The following RAD51B variants were observed in gnomAD, a reference collection of about 807,000 sequenced individuals.
The protein encoded by RAD51B is RAD51 paralog B.
Under a neutral mutation model 42.2 loss-of-function variants are expected in RAD51B, and 38 were observed. That is an observed-to-expected ratio of 0.90 (90% CI 0.70 to 1.18). The LOEUF is 1.18. RAD51B is among the 50% of genes most tolerant of loss of function. The pLI is 0.00. For missense variants in RAD51B, 373 were observed against 400.7 expected (o/e 0.93, Z 0.59); for synonymous variants, 154 against 145.2 (o/e 1.06, Z -0.43).
intron 7 of RAD51B, among the ~76,000 whole-genome samples, chr14:68,223,511 G>A (rs2079972031): frequency 6.6e-6 from 1 of 152,180 alleles, no homozygotes; most frequent in Non-Finnish European, 1.5e-5. Flanking sequence ...TGAGATTGTT[G>A]TGTGGCACAA....
At chr14:67,976,356 G>A (rs578060005) in intron 7 of RAD51B, among the ~76,000 whole-genome samples, 18 of 152,096 alleles carry the variant, frequency 1.2e-4, no homozygotes, top group African/African-American at 3.6e-4. Context: ...GGGCTCAAGC[G>A]ATCCTCTCAT....
At chr14:67,828,838 T>A (rs11627565) in intron 3 of RAD51B, among the ~76,000 whole-genome samples, 49,242 of 152,086 alleles carry the variant, frequency 0.32, 8,323 homozygotes, top group Middle Eastern at 0.45. Flanking sequence ...GTTCCATTGG[T>A]CTATGTGTCT....
intron 7 of RAD51B, among the ~76,000 whole-genome samples, chr14:68,054,984 A>G (rs1250101590): frequency 6.6e-6 from 1 of 152,096 alleles, no homozygotes; most frequent in Non-Finnish European, 1.5e-5. Flanking sequence ...TGGGGGGAAA[A>G]TCCCCACACA....
intron 7 of RAD51B, among the ~76,000 whole-genome samples, chr14:68,211,319 A>T (rs1458804204): frequency 6.6e-6 from 1 of 152,118 alleles, no homozygotes; most frequent in Non-Finnish European, 1.5e-5. Flanking sequence ...CTCTCTAATC[A>T]CATTGCCCTC....
intron 11 of RAD51B, among the ~76,000 whole-genome samples, chr14:68,667,588 T>C (rs1893058996): frequency 6.6e-6 from 1 of 152,164 alleles, no homozygotes; most frequent in African/African-American, 2.4e-5. Flanking sequence ...TGCTCCTCCA[T>C]ATATTAGTGA....
intron 7 of RAD51B, among the ~76,000 whole-genome samples, chr14:67,917,814 A>G (rs1438186332): frequency 6.6e-6 from 1 of 152,046 alleles, no homozygotes; most frequent in African/African-American, 2.4e-5. Flanking sequence ...TCAGGAGTTC[A>G]GTACTATATA....
chr14:67,933,062 C>T (rs558836313), intron 7 of RAD51B, among the ~76,000 whole-genome samples: 14 of 152,344 alleles, frequency 9.2e-5, no homozygotes, highest in African/African-American at 3.4e-4. Context: ...GCTTACCCAT[C>T]TGGGTTCCTA....
intron 7 of RAD51B, among the ~76,000 whole-genome samples, chr14:68,072,264 A>G (rs1161669177): frequency 6.8e-6 from 1 of 147,240 alleles, no homozygotes; most frequent in African/African-American, 2.5e-5. Context: ...TAAACTGTAT[A>G]TATAGGAGTT....
chr14:67,835,577 CAT>C (rs34593818), intron 4 of RAD51B, among the ~76,000 whole-genome samples: 45,187 of 151,016 alleles, frequency 0.3, 7,174 homozygotes, highest in Middle Eastern at 0.43. Flanking sequence ...ACACATATGT[CAT>C]ATATGTAATA....
intron 9 of RAD51B, among the ~76,000 whole-genome samples, chr14:68,458,445 C>A (rs967366321): frequency 2.0e-5 from 3 of 152,132 alleles, no homozygotes; most frequent in Non-Finnish European, 2.9e-5. Flanking sequence ...TAACATCCTA[C>A]TGATCAGAAA....
intron 10 of RAD51B, among the ~76,000 whole-genome samples, chr14:68,593,840 G>A (rs1890864959): frequency 6.6e-6 from 1 of 152,180 alleles, no homozygotes. Context: ...AGACGGCTGG[G>A]AAGGGGGATG....
At chr14:68,422,520 A>G (rs1256395487) in intron 9 of RAD51B, among the ~76,000 whole-genome samples, 2 of 140,588 alleles carry the variant, frequency 1.4e-5, no homozygotes, top group Admixed American at 7.8e-5. Context: ...AGATCGCACC[A>G]CTGCACTCCA....
chr14:68,471,538 C>G (rs1321567152), intron 10 of RAD51B, among the ~76,000 whole-genome samples: 4 of 152,056 alleles, frequency 2.6e-5, no homozygotes, highest in African/African-American at 9.7e-5. Context: ...CCTTCCCTCC[C>G]CTTTGTTCAC....
intron 10 of RAD51B, chr14:68,562,607 T>G: frequency 1.0e-6 from 1 of 985,388 alleles, no homozygotes. Flanking sequence ...GCAGCAATAT[T>G]ATTGTTAGTT....
intron 7 of RAD51B, among the ~76,000 whole-genome samples, chr14:68,035,122 G>A (rs1270787131): frequency 1.3e-5 from 2 of 152,096 alleles, no homozygotes; most frequent in Non-Finnish European, 2.9e-5. Flanking sequence ...TGTTTCTGTG[G>A]ATTATACTCA....
intron 8 of RAD51B, among the ~76,000 whole-genome samples, chr14:68,304,733 A>G (rs911258): frequency 0.68 from 103,266 of 152,028 alleles, 35,319 homozygotes; most frequent in Non-Finnish European, 0.73. Flanking sequence ...CTGGACCTCA[A>G]TTCCCTCAGC....
intron 8 of RAD51B, among the ~76,000 whole-genome samples, chr14:68,384,330 A>T (rs772966731): frequency 3.3e-5 from 5 of 152,220 alleles, no homozygotes; most frequent in Non-Finnish European, 5.9e-5. Flanking sequence ...TATTATAAAA[A>T]TGAACCAACA....
chr14:68,179,465 C>T (rs776718268), intron 7 of RAD51B, among the ~76,000 whole-genome samples: 3 of 151,912 alleles, frequency 2.0e-5, no homozygotes, highest in African/African-American at 7.3e-5. Context: ...TGTTTTATTT[C>T]GGAGCTACAG....
intron 7 of RAD51B, among the ~76,000 whole-genome samples, chr14:67,923,302 T>C (rs777462683): frequency 2.8e-4 from 28 of 99,286 alleles, no homozygotes; most frequent in Non-Finnish European, 5.3e-4. Flanking sequence ...CTTTTTCTTT[T>C]TTTTTTTTTT....
Sources: gnomAD v4.1 joint callset for allele counts (sites outside exome capture counted in the v4.1 genomes callset) on GRCh38, gnomAD v4.1.1 for gene constraint, MANE v1.5 for transcripts, NCBI Gene and HGNC (gene_info 2026-07-23, HGNC 2026-07-21) for gene names.